The following CNDP1 variants were observed in gnomAD, a reference collection of about 807,000 sequenced individuals.
CNDP1 encodes beta-Ala-His dipeptidase.
CNDP1 carries 44 observed loss-of-function variants against 58.1 expected under a neutral mutation model. The ratio of observed to expected loss-of-function variants is 0.76; its 90% CI spans 0.60 to 0.97. The LOEUF (loss-of-function observed/expected upper bound fraction) is 0.97, where lower values mean the gene tolerates loss of function less well. CNDP1 is among the 50% of genes least tolerant of loss of function. The probability of loss-of-function intolerance (pLI) is 0.00; values close to 1 mark genes in which losing one functional copy is unlikely to be tolerated. For missense variants in CNDP1, 616 were observed against 655.1 expected, an observed-to-expected ratio of 0.94 and a Z score of 0.65; for synonymous variants, 254 against 252.6, an observed-to-expected ratio of 1.01 and a Z score of -0.05.
Position 74,567,278 on chromosome 18 carries a change from G to T in CNDP1, c.601G>T (p.Ala201Ser), listed in dbSNP as rs373184921. Reference protein sequence around the residue: ...IKFIIEGMEEAGSVALEELVE... With the variant: ...IKFIIEGMEESGSVALEELVE... ...ATTCATCATTGAGGGGATGGAAGAG[G>T]CTGGCTCTGTTGCCCTGGAGGAACT... The change falls in exon 6 of 12, where the codon GCT (alanine) becomes TCT (serine). Residue 201 changes from alanine to serine, a missense_variant. Coordinates refer to ENST00000358821, the MANE Select transcript of CNDP1 (RefSeq NM_032649.6). 6.2e-7 allele frequency: 1 copy of T among 1,614,210 alleles called. No homozygotes were observed. Among genetic ancestry groups the T allele is most frequent in the East Asian group, 2.2e-5 (1 of 44,890 alleles).
At chr18:74,566,970 A>G (rs4892240) in intron 5 of CNDP1, among the ~76,000 whole-genome samples, 151,947 of 152,354 alleles carry the variant, frequency 1, 75,773 homozygotes, top group Non-Finnish European at 1. Context: ...GACAGGAGGC[A>G]AAAGGCACTT....
intron 9 of CNDP1, among the ~76,000 whole-genome samples, 164 bp downstream of exon 9, chr18:74,578,491 G>T (rs1050873203): frequency 4.6e-5 from 7 of 152,152 alleles, no homozygotes; most frequent in Non-Finnish European, 2.9e-5. Context: ...GCCCAGTGCA[G>T]TGACTTGTGC....
In CNDP1 at chr18:74,586,224, T is replaced by C. The variant is rs987689333; in HGVS notation, c.*1662T>C. On this transcript the variant is annotated 3_prime_UTR_variant, in exon 12 of 12. Coordinates refer to ENST00000358821, the MANE Select transcript of CNDP1 (RefSeq NM_032649.6). ...CATTTGTGAAGGATTCCAGTTAGTG[T>C]TTTCTTTGGAAGCAGGAGGCTTCAA... The C allele has an allele frequency of 6.6e-6, 1 of 152,134 alleles. No individual in the cohort carries two copies. The highest frequency in any genetic ancestry group is 1.5e-5 in the Non-Finnish European group (1 of 68,022). 9.4% of individuals were successfully genotyped at this position (152,134 alleles called of 1,614,324 possible). A position where few individuals can be genotyped will look rare whatever the true frequency, so the allele number is the denominator to read the frequency against.
intron 6 of CNDP1, among the ~76,000 whole-genome samples, chr18:74,568,550 G>A (rs376065103): frequency 1.3e-5 from 2 of 152,134 alleles, no homozygotes; most frequent in Non-Finnish European, 2.9e-5. Flanking sequence ...CTGGGAGGGA[G>A]GGGGAGAATT....
At position 74,559,480 on chromosome 18, in the gene CNDP1, A is replaced by G. The variant is rs2144655249; in HGVS notation, c.303+8A>G. On this transcript the variant is annotated splice_region_variant and intron_variant, in intron 3 of 11. Transcript: ENST00000358821. ...GACATGGGTCCTCAGCAGGTGCTGT[A>G]CGATTCCCTCCCACTGAGGGAGGTG... The G allele has an allele frequency of 6.3e-7, 1 of 1,598,368 alleles. No individual in the cohort carries two copies. Among genetic ancestry groups the G allele is most frequent in the Non-Finnish European group, 8.5e-7 (1 of 1,176,654 alleles).
chr18:74,569,427 A>G (rs1420546388), intron 6 of CNDP1, among the ~76,000 whole-genome samples: 7 of 152,104 alleles, frequency 4.6e-5, no homozygotes, highest in Non-Finnish European at 8.8e-5. Context: ...TGCAGAAGAG[A>G]TTGAGTTTGG....
chr18:74,549,621 T>A (rs143971535), intron 1 of CNDP1, among the ~76,000 whole-genome samples: 2 of 152,288 alleles, frequency 1.3e-5, no homozygotes, highest in African/African-American at 4.8e-5. Context: ...GGAGAGGAAT[T>A]TGAACAGGTT....
At chr18:74,567,625 A>G (rs1055174258) in intron 6 of CNDP1, among the ~76,000 whole-genome samples, 192 bp downstream of exon 6, 33 of 152,260 alleles carry the variant, frequency 2.2e-4, no homozygotes, top group Admixed American at 2.2e-3. Flanking sequence ...TGAACCCCCA[A>G]CACTTGGAGT....
At chr18:74,576,708 A>C in intron 7 of CNDP1, 161 bp from the exon 8 acceptor site, 1 of 516,650 alleles carries the variant, frequency 1.9e-6, no homozygotes. Context: ...TCTGACAGTC[A>C]CTTCTTGGAT....
At chr18:74,568,261 A>C (rs1370109164) in intron 6 of CNDP1, among the ~76,000 whole-genome samples, 3 of 152,206 alleles carry the variant, frequency 2.0e-5, no homozygotes, top group Non-Finnish European at 4.4e-5. Flanking sequence ...ACACATGGCT[A>C]TGCGTGTGAA....
At position 74,545,617 on chromosome 18, in the gene CNDP1, C is replaced by T. The variant is rs969465595; in HGVS notation, c.25-10721C>T. Among the ~76,000 whole-genome samples, 1 of 152,130 alleles carries T rather than the reference C, an allele frequency of 6.6e-6. No individual in the cohort carries two copies. Among genetic ancestry groups the T allele is most frequent in the Non-Finnish European group, 1.5e-5 (1 of 68,016 alleles). On this transcript the variant is annotated intron_variant, in intron 1 of 11. Coordinates refer to ENST00000358821, the MANE Select transcript of CNDP1 (RefSeq NM_032649.6). The surrounding 1 kb of genome is among the most constrained non-coding windows in gnomAD (Gnocchi z 4.1). ...CTCCTCGCCACCCCTCCTCTGTCCCCAGTCCACGTCTCTCTCAACTCCCCA... is the reference window on the plus strand; with the variant it reads ...CTCCTCGCCACCCCTCCTCTGTCCCTAGTCCACGTCTCTCTCAACTCCCCA...
At chr18:74,551,964 T>C (rs1024662926) in intron 1 of CNDP1, among the ~76,000 whole-genome samples, 6 of 151,766 alleles carry the variant, frequency 4.0e-5, no homozygotes, top group Non-Finnish European at 7.4e-5. Flanking sequence ...AGAGCCTTTA[T>C]TGAAGCCTTC....
At chr18:74,546,409 G>A (rs555666900) in intron 1 of CNDP1, among the ~76,000 whole-genome samples, 5 of 152,306 alleles carry the variant, frequency 3.3e-5, no homozygotes, top group Admixed American at 1.3e-4. Context: ...CCACCCTAGC[G>A]GCTTGGTTGC....
In CNDP1 at chr18:74,584,667, A is replaced by G. The variant is rs1981868223; in HGVS notation, c.*105A>G. The G allele has an allele frequency of 2.4e-6, 2 of 840,314 alleles. No individual in the cohort carries two copies. The highest frequency in any genetic ancestry group is 4.0e-6 in the Non-Finnish European group (2 of 498,674). The allele number at this position is 840,314 out of a possible 1,614,324, so 52.1% of individuals were successfully genotyped here. A position where few individuals can be genotyped will look rare whatever the true frequency, so the allele number is the denominator to read the frequency against. On this transcript the variant is annotated 3_prime_UTR_variant, in exon 12 of 12. Coordinates refer to ENST00000358821, the MANE Select transcript of CNDP1 (RefSeq NM_032649.6). ...TATCCAGAGAATTTGGGTCTAGTATAGTACATTTTCCCTTCCATTTAAAAT... is the reference window on the plus strand; with the variant it reads ...TATCCAGAGAATTTGGGTCTAGTATGGTACATTTTCCCTTCCATTTAAAAT...
At chr18:74,574,154 T>G (rs1981569862) in intron 7 of CNDP1, among the ~76,000 whole-genome samples, 1 of 152,234 alleles carries the variant, frequency 6.6e-6, no homozygotes, top group Admixed American at 6.5e-5. Context: ...GATGTGGGAA[T>G]CCACGGGCAG....
intron 10 of CNDP1, among the ~76,000 whole-genome samples, chr18:74,580,750 G>A (rs188386464): frequency 2.6e-5 from 4 of 152,248 alleles, no homozygotes; most frequent in Admixed American, 1.3e-4. Context: ...GGAGGATCGC[G>A]TGAGCTCAGG....
intron 2 of CNDP1, among the ~76,000 whole-genome samples, chr18:74,558,011 C>T (rs1462633003): frequency 2.0e-5 from 3 of 152,202 alleles, no homozygotes; most frequent in Admixed American, 2.0e-4. Flanking sequence ...CAAACATACC[C>T]AAATCCACTG....
chr18:74,565,381 A>G (rs941707509), intron 5 of CNDP1, among the ~76,000 whole-genome samples: 2 of 152,210 alleles, frequency 1.3e-5, no homozygotes, highest in East Asian at 3.9e-4. Context: ...ATTAACCTGA[A>G]AGTCCACAGT....
intron 1 of CNDP1, among the ~76,000 whole-genome samples, chr18:74,553,465 A>G (rs1031709627): frequency 1.3e-5 from 2 of 152,094 alleles, no homozygotes; most frequent in African/African-American, 4.8e-5. Context: ...GTGAAACTTT[A>G]TCATTTGCTT....
Sources: gnomAD v4.1 joint callset for allele counts (sites outside exome capture counted in the v4.1 genomes callset) on GRCh38, gnomAD v4.1.1 for gene constraint, Gnocchi (gnomAD v3.1) non-coding constraint, MANE v1.5 for transcripts, NCBI Gene and HGNC (gene_info 2026-07-23, HGNC 2026-07-21) for gene names.